HELZ: variants seen among roughly 807,000 people sequenced by gnomAD.
HELZ encodes helicase with zinc finger, also known as ATP-dependent RNA helicase with zinc finger domain.
In HELZ, 23 loss-of-function variants were observed where a neutral mutation model predicts 218.2. The observed-to-expected ratio is 0.11, with a 90% CI of 0.08 to 0.15. The LOEUF (loss-of-function observed/expected upper bound fraction) is 0.15. HELZ is among the 10% of genes least tolerant of loss of function. The pLI is 1.00. For synonymous variants in HELZ, 814 were observed against 829.4 expected, an observed-to-expected ratio of 0.98 and a Z score of 0.32; for missense variants, 1,813 against 2,353.7, an observed-to-expected ratio of 0.77 and a Z score of 4.75.
chr17:67,158,494 ACAT>A (rs1413129363), intron 17 of HELZ, among the ~76,000 whole-genome samples: 1 of 152,256 alleles, frequency 6.6e-6, no homozygotes, highest in African/African-American at 2.4e-5. Flanking sequence ...CTTAAGAAAT[ACAT>A]TTGCAAGTTA....
intron 12 of HELZ, among the ~76,000 whole-genome samples, chr17:67,185,944 T>C (rs894342002): frequency 3.3e-5 from 5 of 152,198 alleles, no homozygotes; most frequent in Non-Finnish European, 7.3e-5. Flanking sequence ...TTCAAACTAA[T>C]ATGTTAGAAA....
intron 5 of HELZ, among the ~76,000 whole-genome samples, chr17:67,204,481 T>C (rs1312133787): frequency 1.3e-5 from 2 of 152,176 alleles, no homozygotes; most frequent in East Asian, 3.9e-4. Flanking sequence ...GCACATTCAG[T>C]ATTTTCCATG....
chr17:67,130,597 G>A (rs2037948190), intron 23 of HELZ, among the ~76,000 whole-genome samples: 1 of 151,958 alleles, frequency 6.6e-6, no homozygotes, highest in Admixed American at 6.6e-5. Context: ...AAGGAATTGT[G>A]CTTTTTTTCT....
chr17:67,154,512 GTTTC>G (rs916338333), intron 17 of HELZ, among the ~76,000 whole-genome samples: 52 of 151,852 alleles, frequency 3.4e-4, no homozygotes, highest in African/African-American at 1.1e-3. Context: ...GTAATTTTTT[GTTTC>G]TTTGTTTTTC....
At chr17:67,231,007 G>A (rs995206695) in intron 3 of HELZ, among the ~76,000 whole-genome samples, 2 of 152,162 alleles carry the variant, frequency 1.3e-5, no homozygotes, top group Non-Finnish European at 2.9e-5. Context: ...TGTGAAATAT[G>A]TAAGTATTGA....
At chr17:67,118,542 T>C (rs1287160011) in intron 27 of HELZ, among the ~76,000 whole-genome samples, 1 of 151,790 alleles carries the variant, frequency 6.6e-6, no homozygotes, top group Non-Finnish European at 1.5e-5. Flanking sequence ...GCTGCTGCTC[T>C]TTGAAAGATA....
Position 67,201,259 on chromosome 17 carries a change from C to T in HELZ, c.373-74G>A, listed in dbSNP as rs936690798. On this transcript the variant is annotated intron_variant, in intron 6 of 32. Coordinates refer to ENST00000358691, the MANE Select transcript of HELZ (RefSeq NM_014877.4). The stretch of plus-strand genomic sequence containing the variant: ...TTACTATGGCAACTTAGCTCAATTC[C>T]TCTGTTGTTTCTGAGTTTATTTGTA... 7 of 922,542 alleles carry T rather than the reference C, an allele frequency of 7.6e-6. No homozygotes were observed. The African/African-American group carries it at 1.2e-4, about 15-fold the overall frequency. 57.1% of individuals were successfully genotyped at this position (922,542 alleles called of 1,614,324 possible).
At chr17:67,245,590 T>C, upstream of HELZ, 1 of 911,412 alleles carries the variant, frequency 1.1e-6, no homozygotes, top group South Asian at 5.1e-5. Context: ...ATGTGAGCGT[T>C]TCTGCTCCTG....
At chr17:67,156,463 T>C (rs2038845523) in intron 17 of HELZ, among the ~76,000 whole-genome samples, 1 of 152,118 alleles carries the variant, frequency 6.6e-6, no homozygotes, top group Admixed American at 6.5e-5. Context: ...ACCAACCTCC[T>C]ATTCACTCCT....
intron 31 of HELZ, 82 bp from the exon 32 acceptor site, chr17:67,087,163 C>T: frequency 7.8e-7 from 1 of 1,289,586 alleles, no homozygotes; most frequent in East Asian, 2.3e-5. Context: ...AGCAATATCT[C>T]ACTATATAAA....
At chr17:67,189,207 C>G (rs1454015555) in intron 11 of HELZ, among the ~76,000 whole-genome samples, 1 of 152,116 alleles carries the variant, frequency 6.6e-6, no homozygotes. Context: ...GTGACTTCAT[C>G]ATATCAAATA....
intron 12 of HELZ, 106 bp from the exon 13 acceptor site, chr17:67,179,032 AT>A (rs1567867723): frequency 7.2e-6 from 5 of 691,536 alleles, no homozygotes; most frequent in Non-Finnish European, 1.2e-5. Flanking sequence ...AGAATTGTAT[AT>A]GCTAGAGCTC....
chr17:67,104,117 A>T (rs2037015468), intron 31 of HELZ, among the ~76,000 whole-genome samples: 1 of 152,132 alleles, frequency 6.6e-6, no homozygotes, highest in Non-Finnish European at 1.5e-5. Context: ...ACTAAGAACC[A>T]AGTGTAAGAG....
At chr17:67,164,794 C>T (rs781647316) in intron 15 of HELZ, among the ~76,000 whole-genome samples, 3 of 152,114 alleles carry the variant, frequency 2.0e-5, no homozygotes, top group Non-Finnish European at 2.9e-5. Flanking sequence ...GCACAGTCAA[C>T]GAGGCCATAC....
At chr17:67,194,800 T>C (rs1053732106) in intron 8 of HELZ, among the ~76,000 whole-genome samples, 1 of 152,196 alleles carries the variant, frequency 6.6e-6, no homozygotes, top group Non-Finnish European at 1.5e-5. Context: ...AAAAGAAAGA[T>C]ATTCAGCCAG....
intron 32 of HELZ, among the ~76,000 whole-genome samples, chr17:67,084,520 G>T (rs1322331112): frequency 6.6e-6 from 1 of 151,980 alleles, no homozygotes; most frequent in Admixed American, 6.5e-5. Context: ...AAAATTAGCC[G>T]GGCGTGGTGG....
At chr17:67,105,684 T>A (rs1049672089) in intron 31 of HELZ, among the ~76,000 whole-genome samples, 2 of 152,234 alleles carry the variant, frequency 1.3e-5, no homozygotes, top group Non-Finnish European at 2.9e-5. Flanking sequence ...GTAAAACTAC[T>A]GTTCATTATA....
chr17:67,079,547 C>T (rs953710262), intron 32 of HELZ, among the ~76,000 whole-genome samples: 1 of 152,108 alleles, frequency 6.6e-6, no homozygotes, highest in African/African-American at 2.4e-5. Flanking sequence ...ATGGGATGTA[C>T]GAGCCATACA....
At position 67,107,496 on chromosome 17, in the gene HELZ, G is replaced by A. The variant is rs1428303250; in HGVS notation, c.4914C>T (p.Ser1638=). 3 of 1,614,146 alleles carry A rather than the reference G, an allele frequency of 1.9e-6. No homozygotes were observed. The highest frequency in any genetic ancestry group is 2.5e-6 in the Non-Finnish European group (3 of 1,179,990). The change falls in exon 31 of 33, where the codon AGC becomes AGT. Residue 1638 remains serine, a synonymous_variant. Transcript: ENST00000358691. ...SSHFSNFNDN[S]RDIEVASNPA... is the part of the protein sequence containing the mutation. ...GGTTGCTGGCTACTTCAATGTCTCT[G>A]CTGTTATCATTAAAGTTAGAAAAGT... is the stretch of plus-strand genomic sequence containing the variant.
Sources: allele counts gnomAD v4.1 joint callset (sites outside exome capture counted in the v4.1 genomes callset), GRCh38; gene constraint gnomAD v4.1.1; transcripts MANE v1.5; gene names NCBI Gene and HGNC (gene_info 2026-07-23, HGNC 2026-07-21).